The following TNFRSF13B variants were observed in gnomAD, a reference collection of about 807,000 sequenced individuals.
TNFRSF13B encodes TNF receptor superfamily member 13B, also known as tumor necrosis factor receptor superfamily member 13B.
In TNFRSF13B, 34 loss-of-function variants were observed where a neutral mutation model predicts 24.0. The ratio of observed to expected loss-of-function variants is 1.41; its 90% confidence interval spans 1.08 to 1.88. TNFRSF13B has a LOEUF of 1.88. TNFRSF13B is among the 40% of genes most tolerant of loss of function. TNFRSF13B has a pLI of 0.00. For synonymous variants in TNFRSF13B, 173 were observed against 150.3 expected (o/e 1.15, Z -1.10); for missense variants, 415 against 380.8 (o/e 1.09, Z -0.75).
At chr17:16,954,140 A>G (rs932999769) in intron 1 of TNFRSF13B, among the ~76,000 whole-genome samples, 4 of 152,318 alleles carry the variant, frequency 2.6e-5, no homozygotes, top group Non-Finnish European at 4.4e-5. Flanking sequence ...CATGCCTGTA[A>G]TCCGAGCATT....
intron 1 of TNFRSF13B, among the ~76,000 whole-genome samples, chr17:16,961,190 T>C (rs1210848907): frequency 6.6e-6 from 1 of 152,166 alleles, no homozygotes; most frequent in African/African-American, 2.4e-5. Context: ...GTCTGGCAGA[T>C]CCTCAAAAAG....
intron 3 of TNFRSF13B, among the ~76,000 whole-genome samples, chr17:16,944,298 G>C (rs1176684340): frequency 2.0e-5 from 3 of 152,204 alleles, no homozygotes; most frequent in Non-Finnish European, 4.4e-5. Context: ...TCTCCACCGT[G>C]TGGCTTCAAC....
rs529326126 is a variant in TNFRSF13B, at chr17:16,963,845, C to T, written c.61+8170G>A. On this transcript the variant is annotated intron_variant, in intron 1 of 4. Transcript: ENST00000261652. ...GATTACAGGCGTGAGCCACAGAGCC[C>T]GGCCTTTCTCATCCAGTCTTTCAAG... Among the ~76,000 whole-genome samples, 4 of 152,294 alleles carry T rather than the reference C, an allele frequency of 2.6e-5. No homozygotes were observed. The East Asian group carries it at 5.8e-4, about 22-fold the overall frequency.
intron 1 of TNFRSF13B, among the ~76,000 whole-genome samples, chr17:16,956,886 A>C (rs1329020766): frequency 2.0e-5 from 3 of 152,218 alleles, no homozygotes; most frequent in Non-Finnish European, 4.4e-5. Flanking sequence ...TGGAGCACAG[A>C]GGATTTTTAG....
At chr17:16,941,773 C>T (rs898952459) in intron 3 of TNFRSF13B, among the ~76,000 whole-genome samples, 9 of 152,110 alleles carry the variant, frequency 5.9e-5, no homozygotes, top group African/African-American at 2.2e-4. Flanking sequence ...TCCCCATTCC[C>T]TCTTCCCAGC....
intron 1 of TNFRSF13B, among the ~76,000 whole-genome samples, chr17:16,962,432 A>C (rs1397700688): frequency 6.6e-6 from 1 of 151,996 alleles, no homozygotes; most frequent in Non-Finnish European, 1.5e-5. Flanking sequence ...ACTTGAAACC[A>C]GGAGACAGAG....
chr17:16,967,751 C>CAAAAAA (rs975103327), intron 1 of TNFRSF13B, among the ~76,000 whole-genome samples: 4 of 24,460 alleles, frequency 1.6e-4, no homozygotes, highest in African/African-American at 3.4e-4. Flanking sequence ...GACTCCGTCT[C>CAAAAAA]AAAAAAAAAA....
At chr17:16,946,417 A>G (rs978657685) in intron 3 of TNFRSF13B, among the ~76,000 whole-genome samples, 11 of 152,192 alleles carry the variant, frequency 7.2e-5, no homozygotes, top group Middle Eastern at 3.4e-3. Flanking sequence ...GTGCAAAAAG[A>G]GGTGTTTGCT....
At chr17:16,965,987 G>T (rs1255521801) in intron 1 of TNFRSF13B, among the ~76,000 whole-genome samples, 1 of 152,122 alleles carries the variant, frequency 6.6e-6, no homozygotes, top group East Asian at 1.9e-4. Flanking sequence ...GGATGCGGCG[G>T]CTCATGCTTG....
At position 16,963,660 on chromosome 17, in the gene TNFRSF13B, C is replaced by T. The variant is rs553821967; in HGVS notation, c.61+8355G>A. Among the ~76,000 whole-genome samples the T allele has an allele frequency of 2.9e-4, 44 of 152,334 alleles. No individual in the cohort carries two copies. The South Asian group carries it at 8.9e-3, about 31-fold the overall frequency. On this transcript the variant is annotated intron_variant, in intron 1 of 4. Coordinates refer to ENST00000261652, the MANE Select transcript of TNFRSF13B (RefSeq NM_012452.3). ...CACCTCCTGGGTTCACGTCATTCTC[C>T]TGCCTCAGCCTCCAGAGTAGCTGGC...
Position 16,963,027 on chromosome 17 carries a change from C to A in TNFRSF13B, c.61+8988G>T, listed in dbSNP as rs1023626554. Among the ~76,000 whole-genome samples, 4 of 152,322 alleles carry A rather than the reference C, an allele frequency of 2.6e-5. No individual in the cohort carries two copies. The South Asian group carries it at 8.3e-4, about 32-fold the overall frequency. The stretch of plus-strand genomic sequence containing the variant: ...GATGAGCCTGGGGAAAGCCACAGGG[C>A]AGCCCTGCTTGGAACCCTGGGCTGT... On this transcript the variant is annotated intron_variant, in intron 1 of 4. Coordinates refer to ENST00000261652, the MANE Select transcript of TNFRSF13B (RefSeq NM_012452.3).
rs1377017403 is a variant in TNFRSF13B at position 16,948,928 on chromosome 17, G to A, written c.255C>T (p.Asp85=). The A allele has an allele frequency of 2.5e-6, 4 of 1,614,126 alleles. No homozygotes were observed. Among genetic ancestry groups the A allele is most frequent in the Admixed American group, 1.7e-5 (1 of 60,008 alleles). Residue 85 remains aspartate (D), a synonymous_variant, in exon 3 of 5, where the codon GAC becomes GAT. Coordinates refer to ENST00000261652, the MANE Select transcript of TNFRSF13B (RefSeq NM_012452.3). ...QGKFYDHLLR[D]CISCASICGQ... Reference sequence around the variant, plus strand: ...CACAGATGGAGGCACAGCTGATGCAGTCCCTCAGGAGATGGTCATAGAACT... The same window carrying A: ...CACAGATGGAGGCACAGCTGATGCAATCCCTCAGGAGATGGTCATAGAACT...
intron 4 of TNFRSF13B, chr17:16,940,001 C>G: frequency 2.1e-6 from 2 of 967,792 alleles, no homozygotes; most frequent in South Asian, 3.6e-5. Context: ...TCTTGGCTCT[C>G]ACTTCTGTCC....
Position 16,939,671 on chromosome 17 carries a change from G to C in TNFRSF13B, c.758C>G (p.Pro253Arg), listed in dbSNP as rs191731200. 9 of 1,611,442 alleles carry C rather than the reference G, an allele frequency of 5.6e-6. No individual in the cohort carries two copies. The East Asian group carries it at 1.6e-4, about 28-fold the overall frequency. Reference sequence around the variant, plus strand: ...GCACCCCCACCTTCCAGCACAAGTGGGGTCGGGGGTCCCAGGCGTGACTGC... The same window carrying C: ...GCACCCCCACCTTCCAGCACAAGTGCGGTCGGGGGTCCCAGGCGTGACTGC... Reference protein sequence around the residue: ...ESAVTPGTPDPTCAGRWGCHT... With the variant: ...ESAVTPGTPDRTCAGRWGCHT... The change falls in exon 5 of 5, where the codon CCC becomes CGC. Residue 253 changes from proline (P) to arginine (R), a missense_variant. By Grantham distance (103) the Pro-to-Arg change is moderately radical (BLOSUM62 -2). Transcript: ENST00000261652.
chr17:16,951,655 G>A (rs1409669881), intron 2 of TNFRSF13B, among the ~76,000 whole-genome samples: 2 of 152,184 alleles, frequency 1.3e-5, no homozygotes, highest in African/African-American at 2.4e-5. Context: ...TTGGGAGGCC[G>A]AGGTGGGTGG....
At chr17:16,940,549 C>T in intron 3 of TNFRSF13B, 38 bp from the exon 4 acceptor site, 2 of 1,601,562 alleles carry the variant, frequency 1.2e-6, no homozygotes, top group Non-Finnish European at 8.5e-7. Context: ...GCAGTGCCTT[C>T]TTCTCTTCCC....
intron 2 of TNFRSF13B, among the ~76,000 whole-genome samples, chr17:16,951,481 A>C (rs1338007019): frequency 1.3e-5 from 2 of 152,272 alleles, no homozygotes; most frequent in Non-Finnish European, 2.9e-5. Context: ...TGAGTATTAG[A>C]TGATGTTAAT....
chr17:16,942,970 C>T (rs1286229202), intron 3 of TNFRSF13B, among the ~76,000 whole-genome samples: 1 of 152,202 alleles, frequency 6.6e-6, no homozygotes, highest in African/African-American at 2.4e-5. Context: ...GTGTTTGCTC[C>T]CTTGGGCCTG....
chr17:16,958,903 G>C (rs2087643055), intron 1 of TNFRSF13B, among the ~76,000 whole-genome samples: 1 of 151,846 alleles, frequency 6.6e-6, no homozygotes, highest in South Asian at 2.1e-4. Context: ...TAATAAGACA[G>C]AACTACCAGA....
Sources: allele counts gnomAD v4.1 joint callset (sites outside exome capture counted in the v4.1 genomes callset), GRCh38; gene constraint gnomAD v4.1.1; transcripts MANE v1.5; gene names NCBI Gene and HGNC (gene_info 2026-07-23, HGNC 2026-07-21).